MIER1: variants seen among roughly 807,000 people sequenced by gnomAD.
MIER1 encodes the protein mesoderm induction early response protein 1.
MIER1 carries 40 observed loss-of-function variants against 75.7 expected under a neutral mutation model. The ratio of observed to expected loss-of-function variants is 0.53; its 90% CI spans 0.41 to 0.69. MIER1 has a LOEUF of 0.69. MIER1 is among the 30% of genes least tolerant of loss of function. The pLI, the probability that MIER1 is intolerant of heterozygous loss-of-function variation, is 0.00. For missense variants in MIER1, 574 were observed against 680.2 expected (o/e 0.84, Z 1.74); for synonymous variants, 213 against 223.4 (o/e 0.95, Z 0.42).
chr1:66,976,195 G>C (rs2101964112), intron 11 of MIER1, among the ~76,000 whole-genome samples: 1 of 152,046 alleles, frequency 6.6e-6, no homozygotes, highest in Middle Eastern at 3.4e-3. Flanking sequence ...GTAGAGATGG[G>C]GTTTCACCAT....
intron 4 of MIER1, 40 bp downstream of exon 4, chr1:66,946,335 CT>C: frequency 2.7e-6 from 4 of 1,505,436 alleles, no homozygotes; most frequent in Admixed American, 2.4e-5. Context: ...TTGGTTATGA[CT>C]TTTTTGTGGA....
At chr1:66,947,023 C>G (rs1657813710) in intron 4 of MIER1, 14 of 984,366 alleles carry the variant, frequency 1.4e-5, no homozygotes, top group African/African-American at 1.7e-5. Context: ...TGGATCAGTG[C>G]TCCTCAAAAT....
At chr1:66,958,771 A>G in intron 5 of MIER1, 80 bp from the exon 6 acceptor site, 2 of 1,237,744 alleles carry the variant, frequency 1.6e-6, no homozygotes, top group Non-Finnish European at 2.3e-6. Context: ...CATATATTAG[A>G]ACAAAATTTA....
chr1:66,963,114 A>G lies in MIER1; in HGVS notation c.726A>G (p.Gln242=). 1 of 1,612,290 alleles carries G rather than the reference A, an allele frequency of 6.2e-7. No individual in the cohort carries two copies. The highest frequency in any genetic ancestry group is 8.5e-7 in the Non-Finnish European group (1 of 1,178,594). ...AGATTATGGTGGGCTCCATGTTTCAAGCAGAAATTCCAGTTGGCATTTGTA... is the reference window on the plus strand; with the variant it reads ...AGATTATGGTGGGCTCCATGTTTCAGGCAGAAATTCCAGTTGGCATTTGTA... ...KKEIMVGSMF[Q]AEIPVGICRY... Residue 242 remains glutamine, a synonymous_variant, in exon 8 of 14, where the codon CAA becomes CAG. Coordinates refer to ENST00000401041, the MANE Select transcript of MIER1 (RefSeq NM_001077700.3).
intron 5 of MIER1, 53 bp from the exon 6 acceptor site, chr1:66,958,798 A>G: frequency 6.9e-7 from 1 of 1,458,128 alleles, no homozygotes; most frequent in Non-Finnish European, 9.4e-7. Context: ...ATGGTCTTTC[A>G]TCTGCAACTG....
At chr1:66,939,245 A>C (rs963955988) in intron 2 of MIER1, among the ~76,000 whole-genome samples, 2 of 152,106 alleles carry the variant, frequency 1.3e-5, no homozygotes, top group African/African-American at 4.8e-5. Flanking sequence ...TATAATTGTG[A>C]ATTAACTGAA....
At chr1:66,927,517 A>G (rs1652118760) in intron 2 of MIER1, among the ~76,000 whole-genome samples, 1 of 151,922 alleles carries the variant, frequency 6.6e-6, no homozygotes, top group African/African-American at 2.4e-5. Flanking sequence ...CCTATTTTCA[A>G]CTCTTCTAGT....
chr1:66,951,277 C>T (rs1043701880), intron 4 of MIER1, among the ~76,000 whole-genome samples: 20 of 152,242 alleles, frequency 1.3e-4, no homozygotes, highest in African/African-American at 4.6e-4. Flanking sequence ...TGTAGGCGTG[C>T]ACCACTATGC....
At chr1:66,968,284 T>TA (rs1244047486) in intron 8 of MIER1, among the ~76,000 whole-genome samples, 1 of 152,192 alleles carries the variant, frequency 6.6e-6, no homozygotes, top group Non-Finnish European at 1.5e-5. Context: ...TGTCTCCTCT[T>TA]AAGATACCCT....
In MIER1 at chr1:66,983,992, G is replaced by A. The variant is rs940477884; in HGVS notation, c.1370-580G>A. 2.6e-5 allele frequency among the ~76,000 whole-genome samples: 4 copies of A among 152,190 alleles called. No homozygotes were observed. In the East Asian group the frequency reaches 7.7e-4, roughly 29 times the overall value. On this transcript the variant is annotated intron_variant, in intron 13 of 13. Coordinates refer to ENST00000401041, the MANE Select transcript of MIER1 (RefSeq NM_001077700.3). Reference sequence around the variant, plus strand: ...ACCCGCCTTGGCCTCCCAAAGTGCTGGGAATACAGGCGTGAGCCACTGCAC... The same window carrying A: ...ACCCGCCTTGGCCTCCCAAAGTGCTAGGAATACAGGCGTGAGCCACTGCAC...
intron 8 of MIER1, among the ~76,000 whole-genome samples, chr1:66,964,128 A>G (rs1425640456): frequency 1.5e-4 from 22 of 150,384 alleles, no homozygotes; most frequent in Admixed American, 6.6e-4. Flanking sequence ...CTGGAGTGCA[A>G]TGGCATGATC....
chr1:66,971,924 T>C (rs1473301226), intron 10 of MIER1, among the ~76,000 whole-genome samples, 188 bp downstream of exon 10: 1 of 151,938 alleles, frequency 6.6e-6, no homozygotes, highest in African/African-American at 2.4e-5. Context: ...CTTCCTCCTT[T>C]GTGGGAAAAT....
At chr1:66,957,312 G>C (rs774110699) in intron 4 of MIER1, among the ~76,000 whole-genome samples, 13 of 152,122 alleles carry the variant, frequency 8.5e-5, no homozygotes, top group Non-Finnish European at 1.8e-4. Flanking sequence ...CCCTGCCCAA[G>C]GCACCATGGT....
At chr1:66,925,662 G>A in intron 1 of MIER1, 1 of 504,812 alleles carries the variant, frequency 2.0e-6, no homozygotes, top group Non-Finnish European at 2.6e-6. Flanking sequence ...TGGGACAGAT[G>A]CCCGCCGCTC....
chr1:66,930,693 C>T (rs1331916993), intron 2 of MIER1, among the ~76,000 whole-genome samples: 3 of 152,082 alleles, frequency 2.0e-5, no homozygotes, highest in African/African-American at 4.8e-5. Context: ...GAAGGGGTGC[C>T]TGTGGCGCAA....
chr1:66,963,207 A>G, intron 8 of MIER1, 47 bp downstream of exon 8: 1 of 1,159,756 alleles, frequency 8.6e-7, no homozygotes, highest in Non-Finnish European at 1.3e-6. Flanking sequence ...CTTTCAGTGT[A>G]ATGAACTGTT....
chr1:66,930,294 G>A (rs1337985188), intron 2 of MIER1: 4 of 1,556,758 alleles, frequency 2.6e-6, no homozygotes, highest in African/African-American at 2.8e-5. Context: ...CGGCAGAGAC[G>A]GCAGCGGCCG....
At position 66,958,940 on chromosome 1, in the gene MIER1, C is replaced by T. The variant is rs1660701172; in HGVS notation, c.591C>T (p.Ala197=). 1 of 1,612,640 alleles carries T rather than the reference C, an allele frequency of 6.2e-7. No homozygotes were observed. The highest frequency in any genetic ancestry group is 8.5e-7 in the Non-Finnish European group (1 of 1,179,184). The change falls in exon 6 of 14, where the codon GCC becomes GCT. Residue 197 remains alanine, a synonymous_variant. Coordinates refer to ENST00000401041, the MANE Select transcript of MIER1 (RefSeq NM_001077700.3). ...CACAATCTGTTGCTTCTCAAGATGC[C>T]CAGGAAATAATCCGCCCACGTCGAT... ...DPSQSVASQD[A]QEIIRPRRCK... is the part of the protein sequence containing the mutation.
At chr1:66,952,841 C>T (rs1042289902) in intron 4 of MIER1, among the ~76,000 whole-genome samples, 4 of 152,136 alleles carry the variant, frequency 2.6e-5, no homozygotes, top group Non-Finnish European at 5.9e-5. Context: ...GACGGTGTTT[C>T]GCCATGTTGC....
Sources: gnomAD v4.1 joint callset for allele counts (sites outside exome capture counted in the v4.1 genomes callset) on GRCh38, gnomAD v4.1.1 for gene constraint, MANE v1.5 for transcripts, NCBI Gene and HGNC (gene_info 2026-07-23, HGNC 2026-07-21) for gene names.